PRH1: variants seen among roughly 807,000 people sequenced by gnomAD.
PRH1 encodes salivary acidic proline-rich phosphoprotein 1/2.
PRH1 carries 7 observed loss-of-function variants against 7.9 expected under a neutral mutation model. The ratio of observed to expected loss-of-function variants is 0.89; its 90% CI spans 0.50 to 1.67. The LOEUF is 1.67. Among genes scored for constraint, PRH1 ranks in the 40% most tolerant of loss-of-function variants. The pLI, the probability that PRH1 is intolerant of heterozygous loss-of-function variation, is 0.00. For missense variants in PRH1, 109 were observed against 223.6 expected (o/e 0.49, Z 3.27); for synonymous variants, 45 against 80.8 (o/e 0.56, Z 2.38).
intron 2 of PRH1, among the ~76,000 whole-genome samples, chr12:10,892,537 G>A (rs1949589762): frequency 6.6e-6 from 1 of 152,014 alleles, no homozygotes; most frequent in African/African-American, 2.4e-5. Flanking sequence ...TATTTCATAA[G>A]GGGTATGTCA....
At chr12:11,155,218 T>G (rs1451498552) in intron 1 of PRH1, among the ~76,000 whole-genome samples, 2 of 152,174 alleles carry the variant, frequency 1.3e-5, no homozygotes, top group African/African-American at 2.4e-5. Context: ...TGATTTGCAA[T>G]TTTCATTCTG....
At chr12:10,936,282 G>C (rs1472974439) in intron 2 of PRH1, among the ~76,000 whole-genome samples, 7 of 152,012 alleles carry the variant, frequency 4.6e-5, no homozygotes, top group Admixed American at 4.6e-4. Flanking sequence ...CCCAGGCTAA[G>C]ATCAAAAAAT....
intron 1 of PRH1, among the ~76,000 whole-genome samples, chr12:11,126,001 G>A (rs1221630553): frequency 4.0e-5 from 6 of 151,844 alleles, no homozygotes; most frequent in Non-Finnish European, 8.8e-5. Flanking sequence ...TGTTTTTTCA[G>A]CCTATTTTAT....
upstream of PRH1, among the ~76,000 whole-genome samples, chr12:10,887,400 G>T (rs543863369): frequency 3.1e-4 from 47 of 152,096 alleles, no homozygotes; most frequent in African/African-American, 1.1e-3. Context: ...AACTTGCTTT[G>T]ACTTGTCTAA....
rs74062424 is a variant in PRH1, at chr12:11,030,737, C to T, written c.-126+16283G>A. The T allele has an allele frequency of 1.4e-3, 2,247 of 1,614,152 alleles. 31 individuals carry two copies. The African/African-American group carries it at 0.026, about 19-fold the overall frequency. ...CTTCTTGAGATGTTTACACAGAGAA[C>T]AGATTAACAGCAAAAAACATAGCAG... On this transcript the variant is annotated intron_variant, in intron 1 of 3. Transcript: ENST00000539853.
At chr12:10,932,089 T>C in intron 2 of PRH1, 1 of 264,958 alleles carries the variant, frequency 3.8e-6, no homozygotes. Context: ...AAGAAAATGA[T>C]ATTAAGGAGG....
At chr12:10,949,434 A>G (rs1330070824) in intron 2 of PRH1, among the ~76,000 whole-genome samples, 1 of 152,232 alleles carries the variant, frequency 6.6e-6, no homozygotes, top group Non-Finnish European at 1.5e-5. Flanking sequence ...TTGCTCCTGG[A>G]GGCTTTGTCC....
At chr12:10,988,713 C>G (rs373980500) in intron 1 of PRH1, among the ~76,000 whole-genome samples, 1 of 152,072 alleles carries the variant, frequency 6.6e-6, no homozygotes, top group Non-Finnish European at 1.5e-5. Context: ...TTGCAAATAG[C>G]CTAGGTCCAC....
At chr12:10,986,827 G>C (rs1487513862) in intron 1 of PRH1, 1 of 1,539,772 alleles carries the variant, frequency 6.5e-7, no homozygotes, top group Non-Finnish European at 8.7e-7. Flanking sequence ...ACCATTATTA[G>C]AATTGAAAAA....
intron 1 of PRH1, among the ~76,000 whole-genome samples, chr12:11,147,188 T>C (rs1350157501): frequency 6.6e-6 from 1 of 152,198 alleles, no homozygotes. Context: ...ACATGATACA[T>C]CTCTTCATGT....
At chr12:11,000,466 CT>C (rs1186547200) in intron 1 of PRH1, among the ~76,000 whole-genome samples, 5 of 152,098 alleles carry the variant, frequency 3.3e-5, no homozygotes, top group Middle Eastern at 3.4e-3. Context: ...AAAGTTGTTC[CT>C]TTTAAAATAA....
At chr12:11,045,428 A>G (rs1200743184) in intron 1 of PRH1, among the ~76,000 whole-genome samples, 1 of 152,136 alleles carries the variant, frequency 6.6e-6, no homozygotes, top group Non-Finnish European at 1.5e-5. Context: ...CTGAAAGAGT[A>G]TAACTGAATT....
intron 1 of PRH1, among the ~76,000 whole-genome samples, chr12:11,086,186 TGG>T (rs1944688185): frequency 7.6e-6 from 1 of 132,294 alleles, no homozygotes; most frequent in Non-Finnish European, 1.7e-5. Flanking sequence ...TTTTCTTACT[TGG>T]GCTTTTCAGC....
At chr12:10,944,360 C>T (rs1190907962) in intron 2 of PRH1, among the ~76,000 whole-genome samples, 1 of 151,596 alleles carries the variant, frequency 6.6e-6, no homozygotes, top group African/African-American at 2.4e-5. Context: ...GATTGCCTTC[C>T]TGATTTGATT....
At chr12:11,120,375 T>C (rs35159323), downstream of PRH1, among the ~76,000 whole-genome samples, 33,971 of 152,082 alleles carry the variant, frequency 0.22, 3,833 homozygotes, top group Non-Finnish European at 0.24. Context: ...TTTGGATAGT[T>C]TATAGTCAGA....
At chr12:11,100,009 G>T (rs1193398188) in intron 1 of PRH1, among the ~76,000 whole-genome samples, 1 of 152,058 alleles carries the variant, frequency 6.6e-6, no homozygotes, top group East Asian at 1.9e-4. Flanking sequence ...AAATAAGAAA[G>T]TTCCTATTTC....
At position 11,152,947 on chromosome 12, in the gene PRH1, T is replaced by C. The variant is rs1430225156; in HGVS notation, n.39+18475A>G. Among the ~76,000 whole-genome samples, 11 of 152,272 alleles carry C rather than the reference T, an allele frequency of 7.2e-5. No homozygotes were observed. The East Asian group carries it at 2.1e-3, about 29-fold the overall frequency. On this transcript the variant is annotated intron_variant and non_coding_transcript_variant, in intron 1 of 1. Coordinates refer to the PRH1 transcript ENST00000541175. ...GACAGAATCAAATTCCAAGTCTAGG[T>C]AGGAGTTGTCTGGTATTAGTTGTCT...
At chr12:10,972,211 G>A (rs1298653859) in intron 2 of PRH1, among the ~76,000 whole-genome samples, 2 of 152,032 alleles carry the variant, frequency 1.3e-5, no homozygotes, top group African/African-American at 4.8e-5. Context: ...AAAAATGATT[G>A]GTAGTAAACT....
At chr12:11,108,925 A>C (rs1038697394) in intron 1 of PRH1, among the ~76,000 whole-genome samples, 1 of 152,188 alleles carries the variant, frequency 6.6e-6, no homozygotes, top group Non-Finnish European at 1.5e-5. Context: ...CTGGTTTGAC[A>C]TTCTCACTGC....
Sources: allele counts gnomAD v4.1 joint callset (sites outside exome capture counted in the v4.1 genomes callset), GRCh38; gene constraint gnomAD v4.1.1; transcripts MANE v1.5; gene names NCBI Gene and HGNC (gene_info 2026-07-23, HGNC 2026-07-21).